The following TTC28 variants were observed in gnomAD, a reference collection of about 807,000 sequenced individuals.
TTC28 encodes tetratricopeptide repeat domain 28.
A neutral mutation model predicts 198.0 loss-of-function variants in TTC28; 61 were observed. That is an observed-to-expected ratio of 0.31 (90% CI 0.25 to 0.38). The LOEUF (loss-of-function observed/expected upper bound fraction) is 0.38. Among genes scored for constraint, TTC28 ranks in the 10% least tolerant of loss-of-function variants. TTC28 has a pLI of 1.00. For missense variants in TTC28, 2,678 were observed against 3,164.0 expected, an observed-to-expected ratio of 0.85 and a Z score of 3.69; for synonymous variants, 1,171 against 1,297.8, an observed-to-expected ratio of 0.90 and a Z score of 2.10.
intron 13 of TTC28, among the ~76,000 whole-genome samples, chr22:28,016,531 A>G (rs1381629044): frequency 6.6e-6 from 1 of 152,136 alleles, no homozygotes; most frequent in African/African-American, 2.4e-5. Flanking sequence ...AAGTTTCACA[A>G]TCTAGATGAT....
chr22:28,357,375 G>A (rs1202248379), intron 2 of TTC28, among the ~76,000 whole-genome samples: 1 of 143,876 alleles, frequency 7.0e-6, no homozygotes, highest in Non-Finnish European at 1.5e-5. Flanking sequence ...GAGTACAGTG[G>A]TGCAATCATA....
chr22:28,291,745 A>G (rs2044791703), intron 5 of TTC28, among the ~76,000 whole-genome samples: 1 of 152,158 alleles, frequency 6.6e-6, no homozygotes. Flanking sequence ...ATTTACCTAC[A>G]AGGATATTTT....
intron 1 of TTC28, among the ~76,000 whole-genome samples, chr22:28,634,395 A>T (rs1313265907): frequency 6.6e-6 from 1 of 151,654 alleles, no homozygotes; most frequent in Non-Finnish European, 1.5e-5. Context: ...CTGTAGTCTC[A>T]GCTACTCAGG....
intron 2 of TTC28, among the ~76,000 whole-genome samples, chr22:28,501,327 G>A (rs1349676586): frequency 6.6e-6 from 1 of 151,792 alleles, no homozygotes; most frequent in Non-Finnish European, 1.5e-5. Context: ...ATATGAAGAT[G>A]TGATGTATAA....
intron 1 of TTC28, among the ~76,000 whole-genome samples, chr22:28,646,361 T>C (rs1024278656): frequency 1.3e-5 from 2 of 152,090 alleles, no homozygotes; most frequent in Non-Finnish European, 2.9e-5. Context: ...AGGTGAAAGA[T>C]CTCTATAAGG....
chr22:28,228,731 A>G (rs1928560330), intron 5 of TTC28, among the ~76,000 whole-genome samples: 1 of 151,976 alleles, frequency 6.6e-6, no homozygotes, highest in African/African-American at 2.4e-5. Context: ...ACACACACAC[A>G]CAGTTTAGAC....
chr22:28,566,930 A>G (rs749811619), intron 2 of TTC28, among the ~76,000 whole-genome samples: 4 of 152,110 alleles, frequency 2.6e-5, no homozygotes, highest in Non-Finnish European at 5.9e-5. Flanking sequence ...AAAGGTAAAA[A>G]TATAGGCTGG....
chr22:28,455,438 G>A (rs1168186628), intron 2 of TTC28, among the ~76,000 whole-genome samples: 1 of 152,122 alleles, frequency 6.6e-6, no homozygotes, highest in Non-Finnish European at 1.5e-5. Flanking sequence ...TCATGGCCAG[G>A]TGTGGTGGCT....
intron 2 of TTC28, among the ~76,000 whole-genome samples, chr22:28,617,252 G>A (rs2050918011): frequency 6.6e-6 from 1 of 151,634 alleles, no homozygotes; most frequent in South Asian, 2.1e-4. Flanking sequence ...TGTAATCCCA[G>A]CACTTTGGGA....
chr22:27,996,335 T>G, intron 16 of TTC28, 76 bp from the exon 17 acceptor site: 2 of 1,513,154 alleles, frequency 1.3e-6, no homozygotes, highest in Non-Finnish European at 1.8e-6. Flanking sequence ...CAGGGCTCAC[T>G]TACGCCTCGA....
intron 2 of TTC28, among the ~76,000 whole-genome samples, chr22:28,406,243 T>C (rs1030064919): frequency 3.3e-5 from 5 of 152,334 alleles, no homozygotes; most frequent in East Asian, 3.9e-4. Context: ...ACAAGCATAA[T>C]TCACTCAGCT....
At chr22:28,178,638 C>G (rs561117524) in intron 5 of TTC28, among the ~76,000 whole-genome samples, 14 of 152,222 alleles carry the variant, frequency 9.2e-5, no homozygotes, top group African/African-American at 3.1e-4. Flanking sequence ...TACCTGGGAG[C>G]AGGGGTAGTG....
At chr22:28,147,899 A>AT (rs1204358791) in intron 6 of TTC28, among the ~76,000 whole-genome samples, 1 of 152,216 alleles carries the variant, frequency 6.6e-6, no homozygotes, top group Non-Finnish European at 1.5e-5. Context: ...TTGAATATCT[A>AT]GAAAAGTGGA....
intron 2 of TTC28, among the ~76,000 whole-genome samples, chr22:28,493,889 T>G (rs1345237255): frequency 6.6e-6 from 1 of 152,072 alleles, no homozygotes; most frequent in African/African-American, 2.4e-5. Context: ...CTTCAACAAG[T>G]AATTTGCGAA....
intron 1 of TTC28, among the ~76,000 whole-genome samples, chr22:28,678,275 C>A (rs535469384): frequency 1.8e-4 from 28 of 152,332 alleles, no homozygotes; most frequent in African/African-American, 6.0e-4. Flanking sequence ...AATGCAGTGG[C>A]ACAACCTTGG....
chr22:28,001,535 C>A lies in TTC28; in HGVS notation c.4237G>T (p.Gly1413Cys). 1 of 1,550,954 alleles carries A rather than the reference C, an allele frequency of 6.4e-7. No homozygotes were observed. Among genetic ancestry groups the A allele is most frequent in the Non-Finnish European group, 8.7e-7 (1 of 1,146,820 alleles). Residue 1413 changes from glycine to cysteine, a missense_variant, in exon 15 of 23, where the codon GGC (glycine) becomes TGC (cysteine). By Grantham distance (159) the Gly-to-Cys change is radical. Coordinates refer to ENST00000397906, the MANE Select transcript of TTC28 (RefSeq NM_001145418.2). Reference sequence around the variant, plus strand: ...AGCTGCCGGTGCCGGCCCACGGGGCCGCTGGAGTGCATCAGGCCCTATGGA... The same window carrying A: ...AGCTGCCGGTGCCGGCCCACGGGGCAGCTGGAGTGCATCAGGCCCTATGGA... Reference protein sequence around the residue: ...PMEGGLMHSSGPVGRHRQLIL... With the variant: ...PMEGGLMHSSCPVGRHRQLIL...
At chr22:28,647,943 C>T (rs913618210) in intron 1 of TTC28, among the ~76,000 whole-genome samples, 8 of 149,890 alleles carry the variant, frequency 5.3e-5, no homozygotes, top group Non-Finnish European at 8.9e-5. Flanking sequence ...TGATCAACAT[C>T]GCTGGGCATG....
Position 28,406,080 on chromosome 22 carries a change from ATT to A in TTC28, c.382-99439_382-99438del, listed in dbSNP as rs2046994176. ...AAGAACCCTCCTGCGCTAAGCCCCA[ATT>A]TTGGGGCTCGCCTGCACTGCATCTT... On this transcript the variant is annotated intron_variant, in intron 2 of 22. Transcript: ENST00000397906. 8.5e-5 allele frequency among the ~76,000 whole-genome samples: 13 copies of A among 152,318 alleles called. No homozygotes were observed. The South Asian group carries it at 1.4e-3, about 17-fold the overall frequency.
chr22:28,404,294 A>T (rs1372977818), intron 2 of TTC28, among the ~76,000 whole-genome samples: 3 of 151,772 alleles, frequency 2.0e-5, no homozygotes, highest in African/African-American at 7.3e-5. Context: ...TAATTTTTGT[A>T]TTTTTAATAG....
Sources: gnomAD v4.1 joint callset for allele counts (sites outside exome capture counted in the v4.1 genomes callset) on GRCh38, gnomAD v4.1.1 for gene constraint, MANE v1.5 for transcripts, NCBI Gene and HGNC (gene_info 2026-07-23, HGNC 2026-07-21) for gene names.